Variants in CYP46A1 observed in about 807,000 individuals in gnomAD.
The protein encoded by CYP46A1 is cholesterol 24-hydroxylase.
Under a neutral mutation model 63.3 loss-of-function variants are expected in CYP46A1, and 20 were observed. The observed-to-expected ratio is 0.32, with a 90% CI of 0.22 to 0.46. CYP46A1 has a LOEUF of 0.46. CYP46A1 is among the 20% of genes least tolerant of loss of function. The pLI is 1.00. For missense variants in CYP46A1, 445 were observed against 670.8 expected, an observed-to-expected ratio of 0.66 and a Z score of 3.72; for synonymous variants, 268 against 273.6, an observed-to-expected ratio of 0.98 and a Z score of 0.20.
intron 10 of CYP46A1, among the ~76,000 whole-genome samples, chr14:99,719,246 G>A (rs1234194165): frequency 1.3e-5 from 2 of 152,106 alleles, no homozygotes; most frequent in Admixed American, 1.3e-4. Context: ...TTGAGACAGA[G>A]TCTTGCTCTG....
chr14:99,688,838 G>A (rs1292125788), intron 1 of CYP46A1, among the ~76,000 whole-genome samples: 10 of 152,114 alleles, frequency 6.6e-5, no homozygotes, highest in South Asian at 2.1e-4. Context: ...GCACCCAGCC[G>A]TCAGCCCTGG....
intron 7 of CYP46A1, chr14:99,708,090 C>G (rs1415959355): frequency 7.6e-6 from 2 of 264,344 alleles, no homozygotes; most frequent in Non-Finnish European, 1.5e-5. Context: ...CAATCTGCCC[C>G]ACCCGCTGCA....
At position 99,722,979 on chromosome 14, in the gene CYP46A1, C is replaced by T. The variant is rs1038441597; in HGVS notation, c.1176+913C>T. 41 of 431,592 alleles carry T rather than the reference C, an allele frequency of 9.5e-5. No homozygotes were observed. Among genetic ancestry groups the T allele is most frequent in the Non-Finnish European group, 1.7e-4 (35 of 209,082 alleles). 26.7% of individuals were successfully genotyped at this position (431,592 alleles called of 1,614,324 possible). On this transcript the variant is annotated intron_variant, in intron 12 of 14. Coordinates refer to ENST00000261835, the MANE Select transcript of CYP46A1 (RefSeq NM_006668.2). The surrounding 1 kb of genome is among the most constrained non-coding windows in gnomAD (Gnocchi z 4.6). ...ACTGTTCAGCTTTACAAACGAACGC[C>T]ACATTGTTTTCCAAAGTGGCTGCAC...
Position 99,702,458 on chromosome 14 carries a change from T to C in CYP46A1, c.443+2357T>C, listed in dbSNP as rs1457770678. The stretch of plus-strand genomic sequence containing the variant: ...TATGGACATATGTTTTCATTTCTCC[T>C]GGGTATTTACCTAGTGGAATTTTTG... On this transcript the variant is annotated intron_variant, in intron 5 of 14. Coordinates refer to ENST00000261835, the MANE Select transcript of CYP46A1 (RefSeq NM_006668.2). 2.6e-5 allele frequency among the ~76,000 whole-genome samples: 4 copies of C among 152,372 alleles called. No homozygotes were observed. In the East Asian group the frequency reaches 7.7e-4, roughly 29 times the overall value.
intron 1 of CYP46A1, 61 bp from the exon 2 acceptor site, chr14:99,691,020 G>GTTCC: frequency 6.6e-7 from 1 of 1,516,058 alleles, no homozygotes; most frequent in African/African-American, 1.4e-5. Context: ...AGATCTTGTG[G>GTTCC]GGAAGGGAGC....
intron 3 of CYP46A1, among the ~76,000 whole-genome samples, 181 bp from the exon 4 acceptor site, chr14:99,699,285 C>T (rs749232047): frequency 6.6e-6 from 1 of 152,116 alleles, no homozygotes; most frequent in South Asian, 2.1e-4. Context: ...TGCATTTTCC[C>T]CATCCCCACA....
chr14:99,699,819 G>C (rs2056615148), intron 4 of CYP46A1, among the ~76,000 whole-genome samples, 196 bp from the exon 5 acceptor site: 1 of 152,148 alleles, frequency 6.6e-6, no homozygotes. Context: ...CGGTAAAACT[G>C]ACATAACATT....
In CYP46A1 at chr14:99,705,319, G is replaced by A. The variant is rs143490475; in HGVS notation, c.444-1328G>A. 3.0e-3 allele frequency among the ~76,000 whole-genome samples: 463 copies of A among 152,196 alleles called. 2 individuals are homozygous for A. The highest frequency in any genetic ancestry group is 0.011 in the African/African-American group (447 of 41,510). ...ACCTCCTGGGCTCAAGTGATCCTCC[G>A]GCCTCAGCCTTTCAAGTAGCTGGGG... On this transcript the variant is annotated intron_variant, in intron 5 of 14. Transcript: ENST00000261835.
intron 7 of CYP46A1, 42 bp downstream of exon 7, chr14:99,707,720 T>G: frequency 1.3e-6 from 2 of 1,556,106 alleles, no homozygotes; most frequent in Non-Finnish European, 1.8e-6. Flanking sequence ...CCACCAGAGC[T>G]GTTGTCTTCA....
chr14:99,717,980 A>T, intron 9 of CYP46A1, 74 bp from the exon 10 acceptor site: 1 of 1,228,722 alleles, frequency 8.1e-7, no homozygotes, highest in East Asian at 2.4e-5. Flanking sequence ...ACTGGCTGGC[A>T]TAGAGGCAGG....
In CYP46A1 at chr14:99,699,601, C is replaced by T. The variant is rs572141908; in HGVS notation, c.356+62C>T. The T allele has an allele frequency of 5.8e-6, 9 of 1,540,436 alleles. No homozygotes were observed. The Admixed American group carries it at 6.7e-5, about 11-fold the overall frequency. ...AGGAGAGCCCTGCTGTGAGTGAGGG[C>T]CAGTGCGGTCCAGAATGTGGGGTGT... On this transcript the variant is annotated intron_variant, in intron 4 of 14. Coordinates refer to ENST00000261835, the MANE Select transcript of CYP46A1 (RefSeq NM_006668.2).
At chr14:99,688,500 C>T (rs1429889479) in intron 1 of CYP46A1, among the ~76,000 whole-genome samples, 1 of 152,202 alleles carries the variant, frequency 6.6e-6, no homozygotes, top group Non-Finnish European at 1.5e-5. Flanking sequence ...GGCCCACGCA[C>T]ACCTTCCAGC....
intron 12 of CYP46A1, among the ~76,000 whole-genome samples, chr14:99,723,290 A>G (rs1264479904): frequency 6.6e-6 from 1 of 151,904 alleles, no homozygotes; most frequent in Non-Finnish European, 1.5e-5. Context: ...TTTTTACGGC[A>G]TACATTTATT....
At chr14:99,691,218 C>A in intron 2 of CYP46A1, 57 bp downstream of exon 2, 1 of 1,557,742 alleles carries the variant, frequency 6.4e-7, no homozygotes, top group Non-Finnish European at 8.9e-7. Flanking sequence ...GGGCAGCTCC[C>A]CCAACCCAAT....
Position 99,707,656 on chromosome 14 carries a change from C to T in CYP46A1, c.671C>T (p.Ala224Val), listed in dbSNP as rs753879253. 15 of 1,613,946 alleles carry T rather than the reference C, an allele frequency of 9.3e-6. No individual in the cohort carries two copies. The highest frequency in any genetic ancestry group is 2.7e-5 in the African/African-American group (2 of 74,900). ...AAACTTATGTTGGAGGGAATCACTG[C>T]GTCCCGCAACACTCTGGCAAAGGTA... ...AVKLMLEGIT[A>V]SRNTLAKFLP... The change falls in exon 7 of 15, where the codon GCG becomes GTG. Residue 224 changes from alanine (A) to valine (V), a missense_variant. By Grantham distance (64) the Ala-to-Val change is moderately conservative (BLOSUM62 0). Coordinates refer to ENST00000261835, the MANE Select transcript of CYP46A1 (RefSeq NM_006668.2).
At chr14:99,699,964 C>CGGGGGGGGGGGGGGG in intron 4 of CYP46A1, 51 bp from the exon 5 acceptor site, 3 of 773,846 alleles carry the variant, frequency 3.9e-6, no homozygotes, top group Admixed American at 2.5e-5. Flanking sequence ...ATCAAGCAGT[C>CGGGGGGGGGGGGGGG]GCTCCCCACC....
chr14:99,686,478 C>T (rs1010081764), intron 1 of CYP46A1, among the ~76,000 whole-genome samples: 7 of 152,142 alleles, frequency 4.6e-5, no homozygotes, highest in African/African-American at 1.4e-4. Context: ...AAAGAAACCC[C>T]GTACCCATTA....
intron 7 of CYP46A1, chr14:99,710,562 A>G (rs2056720195): frequency 6.6e-6 from 1 of 152,198 alleles, no homozygotes; most frequent in African/African-American, 2.4e-5. Flanking sequence ...CTTTAAGTCA[A>G]AAACTGTAAA....
chr14:99,691,316 G>C (rs950767833), intron 2 of CYP46A1, 155 bp downstream of exon 2: 2 of 701,242 alleles, frequency 2.9e-6, no homozygotes, highest in African/African-American at 3.6e-5. Context: ...GGCAGGTGAG[G>C]CTGGCTTGGA....
Sources: allele counts gnomAD v4.1 joint callset (sites outside exome capture counted in the v4.1 genomes callset), GRCh38; gene constraint gnomAD v4.1.1; non-coding constraint Gnocchi (gnomAD v3.1); transcripts MANE v1.5; gene names NCBI Gene and HGNC (gene_info 2026-07-23, HGNC 2026-07-21).